Variants in MKKS observed in about 807,000 individuals in gnomAD.
MKKS encodes the protein molecular chaperone MKKS.
In MKKS, 29 loss-of-function variants were observed where a neutral mutation model predicts 33.2. The ratio of observed to expected loss-of-function variants is 0.87; its 90% CI spans 0.65 to 1.19. The LOEUF is 1.19. Ranked by LOEUF, MKKS falls within the 50% of genes most tolerant of loss-of-function variation. The probability of loss-of-function intolerance (pLI) is 0.00; values close to 1 mark genes in which losing one functional copy is unlikely to be tolerated. For missense variants in MKKS, 661 were observed against 662.3 expected (o/e 1.00, Z 0.02); for synonymous variants, 260 against 244.0 (o/e 1.07, Z -0.61).
In MKKS at chr20:10,413,300, G is replaced by A; in HGVS notation, c.215C>T (p.Pro72Leu). Reference sequence around the variant, plus strand: ...GGAGGCTGTCAGGATCTTTAAAATGGGATGTGTGACCAAAAGGTGACTGAG... The same window carrying A: ...GGAGGCTGTCAGGATCTTTAAAATGAGATGTGTGACCAAAAGGTGACTGAG... Reference protein sequence around the residue: ...ALLSHLLVTHPILKILTASIQ... With the variant: ...ALLSHLLVTHLILKILTASIQ... Residue 72 changes from proline (P) to leucine (L), a missense_variant, in exon 3 of 6, where the codon CCC (proline) becomes CTC (leucine). By Grantham distance (98) the Pro-to-Leu change is moderately conservative. Transcript: ENST00000347364. 1 of 1,614,190 alleles carries A rather than the reference G, an allele frequency of 6.2e-7. No homozygotes were observed. The highest frequency in any genetic ancestry group is 8.5e-7 in the Non-Finnish European group (1 of 1,180,020).
In MKKS at chr20:10,412,875, C is replaced by G. The variant is rs1380229253; in HGVS notation, c.640G>C (p.Val214Leu). 1 of 1,614,104 alleles carries G rather than the reference C, an allele frequency of 6.2e-7. No individual in the cohort carries two copies. The highest frequency in any genetic ancestry group is 8.5e-7 in the Non-Finnish European group (1 of 1,180,006). The change falls in exon 3 of 6, where the codon GTA becomes CTA. Residue 214 changes from valine to leucine, a missense_variant. Physicochemically the swap from Val to Leu is conservative, Grantham distance 32. Coordinates refer to ENST00000347364, the MANE Select transcript of MKKS (RefSeq NM_170784.3). ...LKGQRVIDST[V>L]LPGILIEMSE... The stretch of plus-strand genomic sequence containing the variant: ...ATTTCAATGAGTATCCCAGGTAATA[C>G]AGTGGAATCTATAACTCTTTGACCT...
chr20:10,429,021 A>C, intron 1 of MKKS, among the ~76,000 whole-genome samples: 1 of 152,008 alleles, frequency 6.6e-6, no homozygotes, highest in South Asian at 2.1e-4. Flanking sequence ...AACTATGACT[A>C]TTTTTCTCCA....
In MKKS at chr20:10,422,203, A is replaced by G. The variant is rs188633014; in HGVS notation, c.-648-1445T>C. 3.0e-3 allele frequency among the ~76,000 whole-genome samples: 451 copies of G among 152,302 alleles called. 2 individuals are homozygous for G. Among genetic ancestry groups the G allele is most frequent in the Non-Finnish European group, 5.2e-3 (356 of 68,016 alleles). ...TCATTTCTCCCAAAGGTCTCAATTC[A>G]TATTTTATAAGGACTTTGTGGCAAA... On this transcript the variant is annotated intron_variant, in intron 1 of 5. Coordinates refer to ENST00000347364, the MANE Select transcript of MKKS (RefSeq NM_170784.3).
intron 2 of MKKS, among the ~76,000 whole-genome samples, chr20:10,418,355 C>A (rs1436097423): frequency 6.6e-6 from 1 of 152,176 alleles, no homozygotes; most frequent in Non-Finnish European, 1.5e-5. Flanking sequence ...TTGATGGATA[C>A]TTGAGGGCTC....
In MKKS at chr20:10,407,629, T is replaced by C. The variant is rs748071139; in HGVS notation, c.1259A>G (p.Tyr420Cys). 5.6e-6 allele frequency: 9 copies of C among 1,613,414 alleles called. No homozygotes were observed. The highest frequency in any genetic ancestry group is 1.7e-5 in the Admixed American group (1 of 60,000). ...GGCTETHLAA[Y>C]IRHKTHNDPE... ...TATCTTACATACCTTGTGTCTGATA[T>C]ATGCAGCCAAATGAGTTTCAGTACA... Residue 420 changes from tyrosine to cysteine, a missense_variant, in exon 5 of 6, where the codon TAT becomes TGT. Tyr to Cys is a radical substitution (Grantham distance 194). Coordinates refer to ENST00000347364, the MANE Select transcript of MKKS (RefSeq NM_170784.3).
intron 1 of MKKS, among the ~76,000 whole-genome samples, chr20:10,432,718 C>A (rs1214125259): frequency 7.0e-6 from 1 of 142,854 alleles, no homozygotes; most frequent in African/African-American, 2.5e-5. Context: ...ATTGCTTGAA[C>A]CCGGGAGGCG....
intron 1 of MKKS, among the ~76,000 whole-genome samples, chr20:10,433,346 T>C (rs891354070): frequency 6.6e-5 from 10 of 152,168 alleles, no homozygotes; most frequent in Non-Finnish European, 1.3e-4. Context: ...AATTCACACA[T>C]GCGGAACTCA....
intron 1 of MKKS, among the ~76,000 whole-genome samples, chr20:10,430,713 G>A (rs1468630858): frequency 6.6e-6 from 1 of 152,214 alleles, no homozygotes; most frequent in Non-Finnish European, 1.5e-5. Flanking sequence ...ACAGATAACT[G>A]TCAAGCTTCT....
At chr20:10,408,932 G>T in intron 3 of MKKS, 129 bp from the exon 4 acceptor site, 2 of 665,292 alleles carry the variant, frequency 3.0e-6, no homozygotes, top group Non-Finnish European at 5.1e-6. Flanking sequence ...TGAAATACAG[G>T]ATAAATAAGA....
At chr20:10,409,883 A>G (rs2064868784) in intron 3 of MKKS, among the ~76,000 whole-genome samples, 1 of 146,708 alleles carries the variant, frequency 6.8e-6, no homozygotes, top group Non-Finnish European at 1.5e-5. Context: ...AGGCAGGAGA[A>G]TCGCTTGAAC....
At chr20:10,412,394 T>C (rs978583257) in intron 3 of MKKS, 136 bp downstream of exon 3, 3 of 883,808 alleles carry the variant, frequency 3.4e-6, no homozygotes, top group Admixed American at 1.8e-5. Flanking sequence ...CCAGAAACCT[T>C]TGCTGCCAGA....
At chr20:10,433,052 G>C (rs1240724508) in intron 1 of MKKS, among the ~76,000 whole-genome samples, 1 of 152,202 alleles carries the variant, frequency 6.6e-6, no homozygotes, top group Non-Finnish European at 1.5e-5. Context: ...CGCCCAACCT[G>C]GAGTGCAGTG....
chr20:10,405,279 C>A lies in MKKS; in HGVS notation c.1681G>T (p.Asp561Tyr). 1 of 1,613,066 alleles carries A rather than the reference C, an allele frequency of 6.2e-7. No individual in the cohort carries two copies. The highest frequency in any genetic ancestry group is 8.5e-7 in the Non-Finnish European group (1 of 1,179,544). ...VAVETANLIL[D>Y]LSYVIEDKN ...TTATCTTCAATAACATATGAAAGAT[C>A]CAAAATCAAATTGGCTGTCTCTACA... Residue 561 changes from aspartate (D) to tyrosine (Y), a missense_variant, in exon 6 of 6, where the codon GAT becomes TAT. Coordinates refer to ENST00000347364, the MANE Select transcript of MKKS (RefSeq NM_170784.3).
rs1490088210 is a variant in MKKS, at chr20:10,403,687, C to T, written c.*1560G>A. The T allele has an allele frequency of 3.3e-5, 5 of 152,080 alleles. No homozygotes were observed. Among genetic ancestry groups the T allele is most frequent in the Admixed American group, 6.6e-5 (1 of 15,256 alleles). 9.4% of individuals were successfully genotyped at this position (152,080 alleles called of 1,614,324 possible). A position where few individuals can be genotyped will look rare whatever the true frequency, so the allele number is the denominator to read the frequency against. ...GTCCACAAAGCTGGGAAATGGGAGA[C>T]ATAAAGGAGTCACTAAGTCTAGCCC... On this transcript the variant is annotated 3_prime_UTR_variant, in exon 6 of 6. Transcript: ENST00000347364.
chr20:10,415,543 GAA>G (rs1435715668), intron 2 of MKKS, among the ~76,000 whole-genome samples: 2 of 152,124 alleles, frequency 1.3e-5, no homozygotes, highest in Non-Finnish European at 2.9e-5. Context: ...CATGAGGAGG[GAA>G]AGAAAAATCT....
rs375178867 is a variant in MKKS at position 10,412,194 on chromosome 20, GT to G, written c.985+335del. On this transcript the variant is annotated intron_variant, in intron 3 of 5. Transcript: ENST00000347364. ...TTTCTAAATATAACATGATTTAAAA[GT>G]TTTGTCAATTGAGGCTGAAGAATTT... 2.1e-3 allele frequency among the ~76,000 whole-genome samples: 323 copies of G among 152,310 alleles called. 1 individual carries two copies. The highest frequency in any genetic ancestry group is 0.014 in the Middle Eastern group (4 of 294).
intron 1 of MKKS, among the ~76,000 whole-genome samples, chr20:10,426,627 G>A (rs906862015): frequency 1.3e-5 from 2 of 152,132 alleles, no homozygotes; most frequent in Admixed American, 1.3e-4. Flanking sequence ...TCAACTCCTG[G>A]CCTCAAGTGA....
intron 3 of MKKS, 139 bp downstream of exon 3, chr20:10,412,391 C>A (rs1223991709): frequency 9.2e-6 from 8 of 867,836 alleles, no homozygotes; most frequent in Non-Finnish European, 1.3e-5. Flanking sequence ...TTTCCAGAAA[C>A]CTTTGCTGCC....
intron 3 of MKKS, among the ~76,000 whole-genome samples, chr20:10,411,402 AC>A (rs2064885839): frequency 6.6e-6 from 1 of 152,048 alleles, no homozygotes. Flanking sequence ...CATGTACCAC[AC>A]CCAGCTAAAG....
Sources: allele counts gnomAD v4.1 joint callset (sites outside exome capture counted in the v4.1 genomes callset), GRCh38; gene constraint gnomAD v4.1.1; transcripts MANE v1.5; gene names NCBI Gene and HGNC (gene_info 2026-07-23, HGNC 2026-07-21).